The following TRDN variants were observed in gnomAD, a reference collection of about 807,000 sequenced individuals.
The protein encoded by TRDN is triadin in skeletal muscle.
TRDN carries 161 observed loss-of-function variants against 149.7 expected under a neutral mutation model. The ratio of observed to expected loss-of-function variants is 1.08; its 90% CI spans 0.95 to 1.23. The LOEUF is 1.23. Among genes scored for constraint, TRDN ranks in the 50% most tolerant of loss-of-function variants. TRDN has a pLI of 0.00. For missense variants in TRDN, 896 were observed against 823.5 expected (o/e 1.09, Z -1.08); for synonymous variants, 294 against 250.5 (o/e 1.17, Z -1.64).
intron 9 of TRDN, among the ~76,000 whole-genome samples, chr6:123,474,535 G>A (rs1777360564): frequency 6.6e-6 from 1 of 151,958 alleles, no homozygotes; most frequent in Non-Finnish European, 1.5e-5. Flanking sequence ...AAGTCAACAA[G>A]GATACCCAGG....
chr6:123,303,219 A>C (rs755673296), intron 24 of TRDN, among the ~76,000 whole-genome samples: 4 of 152,156 alleles, frequency 2.6e-5, no homozygotes, highest in Non-Finnish European at 1.5e-5. Context: ...TTTTACACAC[A>C]GAAAACTGCC....
intron 4 of TRDN, among the ~76,000 whole-genome samples, chr6:123,533,788 A>G (rs544670542): frequency 1.4e-4 from 21 of 152,260 alleles, no homozygotes; most frequent in African/African-American, 4.6e-4. Context: ...TCCCAAATAC[A>G]TGAAAGGGAG....
chr6:123,352,852 C>G (rs1448441488), intron 20 of TRDN, among the ~76,000 whole-genome samples: 1 of 151,886 alleles, frequency 6.6e-6, no homozygotes, highest in African/African-American at 2.4e-5. Flanking sequence ...GATAAACAAG[C>G]TCTACATAGA....
intron 12 of TRDN, among the ~76,000 whole-genome samples, chr6:123,403,803 G>T (rs998212893): frequency 1.3e-5 from 2 of 151,620 alleles, no homozygotes; most frequent in African/African-American, 4.8e-5. Context: ...AAAGTTTTGC[G>T]AATCAAAATC....
intron 5 of TRDN, among the ~76,000 whole-genome samples, chr6:123,523,469 G>A (rs1779788358): frequency 6.6e-6 from 1 of 152,230 alleles, no homozygotes; most frequent in Admixed American, 6.5e-5. Context: ...GTGATCATAT[G>A]CCAGGTTGGA....
At chr6:123,278,939 C>A in intron 25 of TRDN, 117 bp downstream of exon 25, 1 of 990,500 alleles carries the variant, frequency 1.0e-6, no homozygotes, top group South Asian at 2.1e-5. Flanking sequence ...AAGCCTTTGA[C>A]TTTAAGCAAA....
chr6:123,330,897 A>G (rs1441897220), intron 23 of TRDN, among the ~76,000 whole-genome samples: 1 of 151,996 alleles, frequency 6.6e-6, no homozygotes, highest in Non-Finnish European at 1.5e-5. Flanking sequence ...TGCTTATGTA[A>G]GCTCACCAGA....
At chr6:123,625,287 C>T (rs1274804825) in intron 1 of TRDN, among the ~76,000 whole-genome samples, 1 of 152,100 alleles carries the variant, frequency 6.6e-6, no homozygotes, top group African/African-American at 2.4e-5. Flanking sequence ...ACATCAAACA[C>T]CATAAGGCAC....
At chr6:123,583,169 G>A (rs566494394) in intron 1 of TRDN, among the ~76,000 whole-genome samples, 10 of 152,150 alleles carry the variant, frequency 6.6e-5, no homozygotes, top group Admixed American at 4.6e-4. Flanking sequence ...GTTTGGGGAT[G>A]GCACCAGGAG....
chr6:123,576,452 G>A (rs1782863948), intron 1 of TRDN, among the ~76,000 whole-genome samples: 1 of 145,760 alleles, frequency 6.9e-6, no homozygotes, highest in Non-Finnish European at 1.5e-5. Flanking sequence ...ACATATGTAT[G>A]GTTTTTCTTT....
chr6:123,575,392 G>A (rs1249934031), intron 1 of TRDN, among the ~76,000 whole-genome samples: 2 of 152,054 alleles, frequency 1.3e-5, no homozygotes, highest in Non-Finnish European at 2.9e-5. Context: ...CAAGATAAAT[G>A]CAAAGAACAG....
At chr6:123,573,690 T>C (rs1782687821) in intron 1 of TRDN, among the ~76,000 whole-genome samples, 1 of 152,064 alleles carries the variant, frequency 6.6e-6, no homozygotes, top group South Asian at 2.1e-4. Context: ...AATTTATCCG[T>C]ACAAGTAGAG....
intron 12 of TRDN, among the ~76,000 whole-genome samples, chr6:123,421,361 A>G (rs1773891163): frequency 6.6e-6 from 1 of 152,160 alleles, no homozygotes; most frequent in East Asian, 1.9e-4. Flanking sequence ...CTTTTTAGGC[A>G]AAGATATGAT....
chr6:123,488,232 T>C (rs936434196), intron 9 of TRDN, among the ~76,000 whole-genome samples: 1 of 152,184 alleles, frequency 6.6e-6, no homozygotes, highest in Non-Finnish European at 1.5e-5. Context: ...CATTGCACTA[T>C]ATAGATGTCA....
At chr6:123,299,435 A>ATGGAAAT in intron 24 of TRDN, among the ~76,000 whole-genome samples, 1 of 152,072 alleles carries the variant, frequency 6.6e-6, no homozygotes, top group South Asian at 2.1e-4. Flanking sequence ...TGAGAATAGA[A>ATGGAAAT]GAGATGGGTA....
chr6:123,318,031 G>T (rs1018868850), intron 23 of TRDN, among the ~76,000 whole-genome samples: 2 of 151,912 alleles, frequency 1.3e-5, no homozygotes, highest in Non-Finnish European at 2.9e-5. Flanking sequence ...ACAATTCAAT[G>T]ATACCTTCAA....
chr6:123,615,148 T>A (rs1432514891), intron 1 of TRDN, among the ~76,000 whole-genome samples: 1 of 152,026 alleles, frequency 6.6e-6, no homozygotes, highest in Non-Finnish European at 1.5e-5. Context: ...AGACAAAAGA[T>A]AATAAATAAT....
At chr6:123,348,168 T>G (rs1562272303) in intron 21 of TRDN, among the ~76,000 whole-genome samples, 1 of 152,072 alleles carries the variant, frequency 6.6e-6, no homozygotes, top group Admixed American at 6.6e-5. Flanking sequence ...CATTCCAAGA[T>G]CTGAGTTAAA....
intron 38 of TRDN, among the ~76,000 whole-genome samples, chr6:123,232,310 G>T (rs1391235067): frequency 6.6e-6 from 1 of 152,042 alleles, no homozygotes; most frequent in Non-Finnish European, 1.5e-5. Context: ...AACAATAGGG[G>T]AGAAGTGAGC....
Sources: allele counts gnomAD v4.1 joint callset (sites outside exome capture counted in the v4.1 genomes callset), GRCh38; gene constraint gnomAD v4.1.1; transcripts MANE v1.5; gene names NCBI Gene and HGNC (gene_info 2026-07-23, HGNC 2026-07-21).